The following UNC93A variants were observed in gnomAD, a reference collection of about 807,000 sequenced individuals.
The protein encoded by UNC93A is N-acetylglucosamine transporter UNC93A.
In UNC93A, 43 loss-of-function variants were observed where a neutral mutation model predicts 47.5. The observed-to-expected ratio is 0.91, with a 90% CI of 0.71 to 1.17. The LOEUF (loss-of-function observed/expected upper bound fraction) is 1.17, where lower values mean the gene tolerates loss of function less well. Ranked by LOEUF, UNC93A falls within the 50% of genes most tolerant of loss-of-function variation. The pLI is 0.00. For synonymous variants in UNC93A, 280 were observed against 258.0 expected (o/e 1.09, Z -0.82); for missense variants, 605 against 577.6 (o/e 1.05, Z -0.49).
exon 1 of UNC93A, chr6:167,271,199 A>G (rs1198571402): frequency 6.8e-6 from 1 of 147,912 alleles, no homozygotes; most frequent in South Asian, 2.2e-4. Flanking sequence ...AGCTTAAGAC[A>G]GAGAACCTCA....
Position 167,307,978 on chromosome 6 carries a change from G to A in UNC93A, c.1108+68G>A, listed in dbSNP as rs1778450260. Reference sequence around the variant, plus strand: ...GCGGTCCCTGGCCAAGGCAACTGTGGGGCTCATTAGATGCCAATGGGCCAG... The same window carrying A: ...GCGGTCCCTGGCCAAGGCAACTGTGAGGCTCATTAGATGCCAATGGGCCAG... On this transcript the variant is annotated intron_variant, in intron 7 of 7. Transcript: ENST00000230256. 2.6e-5 allele frequency: 42 copies of A among 1,586,570 alleles called. 1 individual carries two copies. In the South Asian group the frequency reaches 4.8e-4, roughly 18 times the overall value.
chr6:167,287,405 C>G (rs529452951), upstream of UNC93A, among the ~76,000 whole-genome samples: 2 of 152,260 alleles, frequency 1.3e-5, no homozygotes, highest in Admixed American at 6.5e-5. Flanking sequence ...CCCACCTGCT[C>G]TAGTTTTGGG....
upstream of UNC93A, among the ~76,000 whole-genome samples, chr6:167,287,543 C>A (rs58631355): frequency 1.9e-3 from 293 of 152,176 alleles, no homozygotes; most frequent in South Asian, 3.5e-3. Context: ...AGTGTGGTAC[C>A]CCAGTACATT....
At chr6:167,287,699 G>T (rs1173033134), upstream of UNC93A, among the ~76,000 whole-genome samples, 1 of 149,718 alleles carries the variant, frequency 6.7e-6, no homozygotes, top group African/African-American at 2.5e-5. Flanking sequence ...GTGTGTGTGT[G>T]CATGTGTGTG....
intron 1 of UNC93A, among the ~76,000 whole-genome samples, chr6:167,278,455 C>T (rs1007485971): frequency 1.1e-4 from 16 of 152,178 alleles, no homozygotes; most frequent in Admixed American, 6.5e-4. Context: ...GCCAAAATGG[C>T]GCTGCTGGGA....
At chr6:167,305,532 T>C (rs561539508) in intron 5 of UNC93A, among the ~76,000 whole-genome samples, 2 of 151,652 alleles carry the variant, frequency 1.3e-5, no homozygotes, top group East Asian at 1.9e-4. Context: ...GTCAGGGCAA[T>C]CTTTTCATTT....
At position 167,291,346 on chromosome 6, in the gene UNC93A, A is replaced by G. The variant is rs1783835655; in HGVS notation, c.-144A>G. ...GAGTGACAGTCTTAATGACTAACACACCTCTAACATTTCACCTCTAGCTCA... is the reference window on the plus strand; with the variant it reads ...GAGTGACAGTCTTAATGACTAACACGCCTCTAACATTTCACCTCTAGCTCA... On this transcript the variant is annotated 5_prime_UTR_variant, in exon 1 of 8. Transcript: ENST00000230256. The G allele has an allele frequency of 1.6e-6, 1 of 624,646 alleles. No individual in the cohort carries two copies. Among genetic ancestry groups the G allele is most frequent in the East Asian group, 2.9e-5 (1 of 34,856 alleles). 38.7% of individuals were successfully genotyped at this position (624,646 alleles called of 1,614,324 possible). A position where few individuals can be genotyped will look rare whatever the true frequency, so the allele number is the denominator to read the frequency against.
chr6:167,303,833 G>C, intron 4 of UNC93A, 86 bp from the exon 5 acceptor site: 1 of 1,329,636 alleles, frequency 7.5e-7, no homozygotes, highest in South Asian at 1.2e-5. Flanking sequence ...CTCGCGAGAG[G>C]AGGATGAGTG....
intron 1 of UNC93A, among the ~76,000 whole-genome samples, chr6:167,281,759 G>A (rs192571622): frequency 3.9e-5 from 6 of 152,310 alleles, no homozygotes; most frequent in African/African-American, 1.2e-4. Flanking sequence ...GTCAAGCCAA[G>A]CAGTGGGCTG....
chr6:167,305,488 G>A (rs554530647), intron 5 of UNC93A, among the ~76,000 whole-genome samples: 76 of 152,224 alleles, frequency 5.0e-4, no homozygotes, highest in Admixed American at 1.5e-3. Flanking sequence ...ATGTGCAGCC[G>A]GCTGCTGGGC....
intron 7 of UNC93A, among the ~76,000 whole-genome samples, chr6:167,310,068 A>G (rs1280755232): frequency 1.3e-5 from 2 of 152,142 alleles, no homozygotes; most frequent in Admixed American, 1.3e-4. Flanking sequence ...GTGGCATGTC[A>G]CCTCGCTGCA....
At chr6:167,276,308 G>C (rs901242547) in intron 1 of UNC93A, among the ~76,000 whole-genome samples, 6 of 150,224 alleles carry the variant, frequency 4.0e-5, no homozygotes, top group South Asian at 4.2e-4. Context: ...GTATTGGGAT[G>C]AATGTGGGGC....
upstream of UNC93A, among the ~76,000 whole-genome samples, chr6:167,287,600 C>T (rs945832807): frequency 6.6e-6 from 1 of 151,942 alleles, no homozygotes; most frequent in Non-Finnish European, 1.5e-5. Flanking sequence ...ATAGTGTGGA[C>T]GACTGTAGAA....
intron 5 of UNC93A, 59 bp from the exon 6 acceptor site, chr6:167,305,856 A>G (rs1456360389): frequency 9.5e-5 from 153 of 1,610,638 alleles, no homozygotes; most frequent in Non-Finnish European, 7.0e-5. Context: ...CTGCAGCTTT[A>G]GCTTGAGCAC....
In UNC93A at chr6:167,294,515, A is replaced by G. The variant is rs1232626291; in HGVS notation, c.88-2A>G. ...CTGACAGGGCTGGCTTTGTTCCCAC[A>G]GAGCAGCCTGTACAGCGAGGAGGGC... is the stretch of plus-strand genomic sequence containing the variant. On this transcript the variant is annotated splice_acceptor_variant, in intron 1 of 7. Coordinates refer to ENST00000230256, the MANE Select transcript of UNC93A (RefSeq NM_018974.4). LOFTEE classifies it high-confidence loss of function. 5 of 1,613,778 alleles carry G rather than the reference A, an allele frequency of 3.1e-6. No homozygotes were observed. Among genetic ancestry groups the G allele is most frequent in the Non-Finnish European group, 3.4e-6 (4 of 1,179,934 alleles).
At chr6:167,307,629 G>A (rs534617913) in intron 6 of UNC93A, 150 bp from the exon 7 acceptor site, 14 of 888,102 alleles carry the variant, frequency 1.6e-5, no homozygotes, top group East Asian at 2.8e-5. Context: ...TCCAGAGGAC[G>A]GTTGAGATGG....
chr6:167,281,101 C>A (rs1783624946), intron 1 of UNC93A, among the ~76,000 whole-genome samples: 1 of 151,954 alleles, frequency 6.6e-6, no homozygotes, highest in East Asian at 1.9e-4. Context: ...CCAAAAGGAG[C>A]CCCAGGAGGT....
chr6:167,299,794 C>T (rs758910444), intron 4 of UNC93A, among the ~76,000 whole-genome samples: 30 of 152,156 alleles, frequency 2.0e-4, no homozygotes, highest in Admixed American at 7.9e-4. Flanking sequence ...AGGAAGAGCC[C>T]GCAGGGCTGG....
chr6:167,270,055 G>C (rs1208190767), upstream of UNC93A, among the ~76,000 whole-genome samples: 2 of 141,230 alleles, frequency 1.4e-5, no homozygotes, highest in African/African-American at 5.3e-5. Context: ...ACGGGGTGGG[G>C]GTGGGGGTGG....
Sources: gnomAD v4.1 joint callset for allele counts (sites outside exome capture counted in the v4.1 genomes callset) on GRCh38, gnomAD v4.1.1 for gene constraint, MANE v1.5 for transcripts, NCBI Gene and HGNC (gene_info 2026-07-23, HGNC 2026-07-21) for gene names.